The following ROBO2 variants were observed in gnomAD, a reference collection of about 807,000 sequenced individuals.
ROBO2 encodes roundabout homolog 2.
ROBO2 carries 53 observed loss-of-function variants against 160.8 expected under a neutral mutation model. The ratio of observed to expected loss-of-function variants is 0.33; its 90% confidence interval spans 0.26 to 0.41. The LOEUF is 0.41. Ranked by LOEUF, ROBO2 falls within the 10% of genes least tolerant of loss-of-function variation. The probability of loss-of-function intolerance (pLI) is 1.00; values close to 1 mark genes in which losing one functional copy is unlikely to be tolerated. For missense variants in ROBO2, 1,577 were observed against 1,722.4 expected (o/e 0.92, Z 1.49); for synonymous variants, 664 against 611.7 (o/e 1.09, Z -1.26).
intron 2 of ROBO2, among the ~76,000 whole-genome samples, chr3:76,667,989 G>T (rs1376635818): frequency 6.6e-6 from 1 of 151,982 alleles, no homozygotes; most frequent in East Asian, 1.9e-4. Flanking sequence ...GTAAGCCCCT[G>T]AAGCATTTTA....
intron 2 of ROBO2, among the ~76,000 whole-genome samples, chr3:77,315,898 A>C (rs574371752): frequency 1.9e-3 from 280 of 151,010 alleles, no homozygotes; most frequent in Non-Finnish European, 3.1e-3. Flanking sequence ...TTTTTTTTTG[A>C]GGTTTCAATA....
At chr3:75,951,050 A>G (rs4856050) in intron 2 of ROBO2, among the ~76,000 whole-genome samples, 67,897 of 151,928 alleles carry the variant, frequency 0.45, 16,558 homozygotes, top group South Asian at 0.66. Flanking sequence ...TGTTTTTGTT[A>G]CCAAAAGCCA....
chr3:76,132,399 G>GC (rs1392175020), intron 2 of ROBO2, among the ~76,000 whole-genome samples: 2 of 133,614 alleles, frequency 1.5e-5, no homozygotes, highest in Non-Finnish European at 3.3e-5. Context: ...ACTGTTGGGG[G>GC]GGGGGGGGGA....
Position 76,448,332 on chromosome 3 carries a change from C to A in ROBO2, c.109+510730C>A, listed in dbSNP as rs376413907. Among the ~76,000 whole-genome samples, 20 of 152,160 alleles carry A rather than the reference C, an allele frequency of 1.3e-4. No individual in the cohort carries two copies. In the East Asian group the frequency reaches 1.6e-3, roughly 12 times the overall value. On this transcript the variant is annotated intron_variant, in intron 2 of 26. Transcript: ENST00000487694. ...AAATGTAGAAATCTGATATATCTTG[C>A]AACTGATAATGTGTTTTAATACGAG...
intron 2 of ROBO2, among the ~76,000 whole-genome samples, chr3:76,272,813 TATGTA>T: frequency 2.2e-4 from 1 of 4,544 alleles, no homozygotes; most frequent in South Asian, 0.012. Context: ...AAATATATAA[TATGTA>T]TTTATATATA....
chr3:77,040,049 C>CCCCGGCCCA, exon 1 of ROBO2: 1 of 154,820 alleles, frequency 6.5e-6, no homozygotes, highest in Non-Finnish European at 1.4e-5. Context: ...CTCCGCCCGG[C>CCCCGGCCCA]CCCTCCCTCC....
At chr3:76,759,525 C>T (rs1365878659) in intron 2 of ROBO2, among the ~76,000 whole-genome samples, 1 of 151,460 alleles carries the variant, frequency 6.6e-6, no homozygotes, top group Non-Finnish European at 1.5e-5. Flanking sequence ...TATGGCACAA[C>T]GTCTAGCACA....
intron 2 of ROBO2, among the ~76,000 whole-genome samples, chr3:76,667,836 G>A (rs116531730): frequency 0.017 from 2,630 of 151,610 alleles, 87 homozygotes; most frequent in African/African-American, 0.058. Context: ...ACATAAAAAC[G>A]ACTGTAGTTA....
chr3:77,357,193 T>C (rs1176322036), intron 2 of ROBO2, among the ~76,000 whole-genome samples: 1 of 152,172 alleles, frequency 6.6e-6, no homozygotes, highest in Non-Finnish European at 1.5e-5. Flanking sequence ...GTTCATGTGA[T>C]GGAAACTTAA....
At chr3:77,552,671 GCAATTA>G (rs1459888065) in intron 8 of ROBO2, among the ~76,000 whole-genome samples, 2 of 151,956 alleles carry the variant, frequency 1.3e-5, no homozygotes, top group Non-Finnish European at 2.9e-5. Flanking sequence ...ACTTGAGTAA[GCAATTA>G]CAAAGTCAAG....
At chr3:77,608,033 G>A in intron 21 of ROBO2, 79 bp downstream of exon 22, 1 of 1,415,544 alleles carries the variant, frequency 7.1e-7, no homozygotes, top group South Asian at 1.2e-5. Flanking sequence ...ATCATCTTAT[G>A]TTCTCTCACT....
At chr3:77,647,911 C>T (rs770428937) in exon 26 of ROBO2, 7 of 152,092 alleles carry the variant, frequency 4.6e-5, no homozygotes, top group Non-Finnish European at 7.4e-5. Flanking sequence ...TAAACATTTC[C>T]ATCCTTTCTA....
chr3:76,568,433 G>T (rs1221458604), intron 2 of ROBO2, among the ~76,000 whole-genome samples: 1 of 151,314 alleles, frequency 6.6e-6, no homozygotes, highest in African/African-American at 2.4e-5. Flanking sequence ...GAGTAGCTGG[G>T]ACCACAGGCG....
chr3:76,332,024 A>C (rs1559777942), intron 2 of ROBO2, among the ~76,000 whole-genome samples: 1 of 152,188 alleles, frequency 6.6e-6, no homozygotes, highest in East Asian at 1.9e-4. Flanking sequence ...ATTTGTTGTC[A>C]TGTGTGTATT....
intron 2 of ROBO2, among the ~76,000 whole-genome samples, chr3:76,758,035 A>T (rs1056895245): frequency 2.0e-5 from 3 of 151,864 alleles, no homozygotes; most frequent in Non-Finnish European, 4.4e-5. Context: ...AATGTTCAAC[A>T]GTTAATTATT....
chr3:76,454,011 TA>T (rs1490219073), intron 2 of ROBO2, among the ~76,000 whole-genome samples: 1 of 152,150 alleles, frequency 6.6e-6, no homozygotes, highest in East Asian at 1.9e-4. Flanking sequence ...CTGTGCAACT[TA>T]TACATGGTTG....
chr3:77,260,689 A>AT (rs779575553), intron 2 of ROBO2, among the ~76,000 whole-genome samples: 1 of 152,222 alleles, frequency 6.6e-6, no homozygotes, highest in Non-Finnish European at 1.5e-5. Context: ...CAAGCGGTAG[A>AT]TCCAGAGTCA....
intron 1 of ROBO2, among the ~76,000 whole-genome samples, chr3:75,932,580 A>G (rs1285021518): frequency 6.6e-6 from 1 of 152,210 alleles, no homozygotes; most frequent in Admixed American, 6.5e-5. Flanking sequence ...TCAGAAGCAG[A>G]ACGTTTATGC....
In ROBO2 at chr3:76,364,265, A is replaced by G. The variant is rs926516844; in HGVS notation, c.109+426663A>G. On this transcript the variant is annotated intron_variant, in intron 2 of 26. Coordinates refer to the ROBO2 transcript ENST00000487694. The stretch of plus-strand genomic sequence containing the variant: ...ACCTTCCCTGACTCCTGAATCCAAA[A>G]TATGACCCAATTCAACTAGTAACTC... Among the ~76,000 whole-genome samples the G allele has an allele frequency of 5.9e-5, 9 of 152,136 alleles. No homozygotes were observed. The East Asian group carries it at 1.7e-3, about 30-fold the overall frequency.
Sources: gnomAD v4.1 joint callset for allele counts (sites outside exome capture counted in the v4.1 genomes callset) on GRCh38, gnomAD v4.1.1 for gene constraint, MANE v1.5 for transcripts, NCBI Gene and HGNC (gene_info 2026-07-23, HGNC 2026-07-21) for gene names.